RASL10B: variants seen among roughly 807,000 people sequenced by gnomAD.
RASL10B encodes ras-like protein family member 10B.
Under a neutral mutation model 20.7 loss-of-function variants are expected in RASL10B, and 10 were observed. That is an observed-to-expected ratio of 0.48 (90% CI 0.30 to 0.82). RASL10B has a LOEUF of 0.82. Ranked by LOEUF, RASL10B falls within the 40% of genes least tolerant of loss-of-function variation. The probability of loss-of-function intolerance (pLI) is 0.07; values close to 1 mark genes in which losing one functional copy is unlikely to be tolerated. For synonymous variants in RASL10B, 110 were observed against 123.3 expected (o/e 0.89, Z 0.72); for missense variants, 231 against 295.4 (o/e 0.78, Z 1.60).
intron 1 of RASL10B, among the ~76,000 whole-genome samples, chr17:35,733,117 T>G (rs1555596580): frequency 6.6e-6 from 1 of 152,164 alleles, no homozygotes; most frequent in African/African-American, 2.4e-5. Flanking sequence ...TTGGGGGGTT[T>G]GTTTGTTTTT....
chr17:35,739,976 G>A (rs2085619195), intron 2 of RASL10B, among the ~76,000 whole-genome samples: 1 of 152,240 alleles, frequency 6.6e-6, no homozygotes, highest in East Asian at 1.9e-4. Flanking sequence ...TTGCAGGAAG[G>A]ATGGGAAATC....
At chr17:35,732,832 C>T (rs1555596543) in intron 1 of RASL10B, among the ~76,000 whole-genome samples, 1 of 152,192 alleles carries the variant, frequency 6.6e-6, no homozygotes, top group East Asian at 1.9e-4. Flanking sequence ...CCACTCCCCA[C>T]CTGCCTGTAC....
At chr17:35,737,172 T>C (rs2085598440) in intron 2 of RASL10B, 2 of 152,244 alleles carry the variant, frequency 1.3e-5, no homozygotes, top group South Asian at 4.1e-4. Flanking sequence ...GATTTTATTT[T>C]ATTTTTAAAA....
In RASL10B at chr17:35,735,383, C is replaced by T. The variant is rs1281334374; in HGVS notation, c.199C>T (p.Pro67Ser). ...CGACTTTCCACCCATCAGCGCCTTC[C>T]CTGTCAATACGCTCCAGGTAGGAGG... ...ILDFPPISAF[P>S]VNTLQEWADT... is the part of the protein sequence containing the mutation. Residue 67 changes from proline to serine, a missense_variant, in exon 2 of 4, where the codon CCT (proline) becomes TCT (serine). Pro to Ser is a moderately conservative substitution (Grantham distance 74, BLOSUM62 -1). Transcript: ENST00000603017. The surrounding 1 kb of genome is among the most constrained non-coding windows in gnomAD (Gnocchi z 6.7). 6.2e-7 allele frequency: 1 copy of T among 1,614,050 alleles called. No individual in the cohort carries two copies. The highest frequency in any genetic ancestry group is 8.5e-7 in the Non-Finnish European group (1 of 1,180,036).
chr17:35,737,467 T>C (rs1555597357), intron 2 of RASL10B, among the ~76,000 whole-genome samples: 1 of 152,194 alleles, frequency 6.6e-6, no homozygotes, highest in African/African-American at 2.4e-5. Flanking sequence ...TATCCAGTCT[T>C]GTGCTGTTTC....
chr17:35,738,268 C>CT (rs1315054258), intron 2 of RASL10B, among the ~76,000 whole-genome samples: 5 of 152,048 alleles, frequency 3.3e-5, no homozygotes, highest in East Asian at 1.9e-4. Flanking sequence ...GTTTTGGACT[C>CT]TAAGATATCC....
intron 2 of RASL10B, among the ~76,000 whole-genome samples, chr17:35,738,686 A>G (rs1021423877): frequency 1.3e-5 from 2 of 152,058 alleles, no homozygotes; most frequent in Non-Finnish European, 1.5e-5. Context: ...CCTCCCTTCA[A>G]TCAAGGGGGA....
At chr17:35,736,009 C>T (rs2085589239) in intron 2 of RASL10B, among the ~76,000 whole-genome samples, 1 of 152,140 alleles carries the variant, frequency 6.6e-6, no homozygotes, top group South Asian at 2.1e-4. Context: ...ACTCTGGAGA[C>T]CCCAGTCAGG....
At position 35,735,692 on chromosome 17, in the gene RASL10B, CAT is replaced by C. The variant is rs1407690686; in HGVS notation, c.216+294_216+295del. On this transcript the variant is annotated intron_variant, in intron 2 of 3. Coordinates refer to ENST00000603017, the MANE Select transcript of RASL10B (RefSeq NM_033315.4). The surrounding 1 kb of genome is among the most constrained non-coding windows in gnomAD (Gnocchi z 6.7). ...TTATGGAATTTGCTTTCAAGAAACT[CAT>C]AGTCTGGTGAGAAAAGGCAAATATG... is the stretch of plus-strand genomic sequence containing the variant. Among the ~76,000 whole-genome samples the C allele has an allele frequency of 1.4e-4, 21 of 152,218 alleles. 1 individual carries two copies. Among genetic ancestry groups the C allele is most frequent in the Non-Finnish European group, 4.4e-5 (3 of 68,044 alleles).
chr17:35,734,383 C>T (rs2085577011), intron 1 of RASL10B, among the ~76,000 whole-genome samples: 1 of 152,194 alleles, frequency 6.6e-6, no homozygotes, highest in Non-Finnish European at 1.5e-5. Flanking sequence ...CAGTACTTAT[C>T]CCTTAGAGAT....
chr17:35,739,189 GC>G (rs1469319320), intron 2 of RASL10B, among the ~76,000 whole-genome samples: 2 of 152,214 alleles, frequency 1.3e-5, no homozygotes, highest in African/African-American at 4.8e-5. Flanking sequence ...CTGCACTACT[GC>G]CACCAAAGTC....
At chr17:35,739,283 G>A (rs1476131976) in intron 2 of RASL10B, among the ~76,000 whole-genome samples, 1 of 152,144 alleles carries the variant, frequency 6.6e-6, no homozygotes, top group Admixed American at 6.5e-5. Context: ...TCAGATGCTG[G>A]GACAGGAGAC....
Position 35,735,088 on chromosome 17 carries a change from G to T in RASL10B, c.-97G>T. ...AGGGCAAGCAGAGGCAGCAATGGTT[G>T]GTCCTGACGGTGGCTGAGCCCCCAG... is the stretch of plus-strand genomic sequence containing the variant. On this transcript the variant is annotated 5_prime_UTR_variant, in exon 2 of 4. Coordinates refer to ENST00000603017, the MANE Select transcript of RASL10B (RefSeq NM_033315.4). The surrounding 1 kb of genome is among the most constrained non-coding windows in gnomAD (Gnocchi z 6.7). 8.0e-7 allele frequency: 1 copy of T among 1,251,688 alleles called. No individual in the cohort carries two copies. Among genetic ancestry groups the T allele is most frequent in the Non-Finnish European group, 1.1e-6 (1 of 880,088 alleles). The allele number at this position is 1,251,688 out of a possible 1,614,324, so 77.5% of individuals were successfully genotyped here.
In RASL10B at chr17:35,735,167, C is replaced by T. The variant is rs369785094; in HGVS notation, c.-18C>T. On this transcript the variant is annotated 5_prime_UTR_variant, in exon 2 of 4. Coordinates refer to ENST00000603017, the MANE Select transcript of RASL10B (RefSeq NM_033315.4). The surrounding 1 kb of genome is among the most constrained non-coding windows in gnomAD (Gnocchi z 6.7). The stretch of plus-strand genomic sequence containing the variant: ...CCAGACAGCGGCAAGGACGAGGTGG[C>T]GGAGTGGGGCGGGAGGCATGGTCTC... The T allele has an allele frequency of 2.3e-5, 37 of 1,599,954 alleles. No homozygotes were observed. In the African/African-American group the frequency reaches 3.1e-4, roughly 13 times the overall value.
intron 3 of RASL10B, 36 bp downstream of exon 3, chr17:35,740,569 T>G: frequency 6.2e-7 from 1 of 1,605,224 alleles, no homozygotes; most frequent in South Asian, 1.1e-5. Context: ...GCCACCTCTG[T>G]GGATGCCCCA....
In RASL10B at chr17:35,741,368, G is replaced by C. The variant is rs781924138; in HGVS notation, c.*63G>C. 1.5e-4 allele frequency: 204 copies of C among 1,369,228 alleles called. No homozygotes were observed. Among genetic ancestry groups the C allele is most frequent in the Non-Finnish European group, 1.8e-4 (196 of 1,067,272 alleles). The allele number at this position is 1,369,228 out of a possible 1,614,324, so 84.8% of individuals were successfully genotyped here. On this transcript the variant is annotated 3_prime_UTR_variant, in exon 4 of 4. Transcript: ENST00000603017. ...AGCGGAGGGCGGGGCCGTACTGCGG[G>C]GCTGGGGCGGGGAGCGGGCGGGAAA...
Position 35,741,083 on chromosome 17 carries a change from G to A in RASL10B, c.390G>A (p.Arg130=). 2 of 1,611,826 alleles carry A rather than the reference G, an allele frequency of 1.2e-6. No homozygotes were observed. Among genetic ancestry groups the A allele is most frequent in the Non-Finnish European group, 1.7e-6 (2 of 1,178,680 alleles). The change falls in exon 4 of 4, where the codon CGG becomes CGA. Residue 130 remains arginine, a synonymous_variant. Coordinates refer to ENST00000603017, the MANE Select transcript of RASL10B (RefSeq NM_033315.4). ...CCATCATCATCGTGGGCAACAAGCG[G>A]GACCTGCAGCGCGGACGCGTGATCC... The part of the protein sequence containing the change: ...ETPIIIVGNK[R]DLQRGRVIPR...
chr17:35,735,258 T>C lies in RASL10B; in HGVS notation c.74T>C (p.Leu25Ser). 1 of 1,613,816 alleles carries C rather than the reference T, an allele frequency of 6.2e-7. No homozygotes were observed. Among genetic ancestry groups the C allele is most frequent in the East Asian group, 2.2e-5 (1 of 44,886 alleles). Residue 25 changes from leucine to serine, a missense_variant, in exon 2 of 4, where the codon TTG becomes TCG. Transcript: ENST00000603017. The surrounding 1 kb of genome is among the most constrained non-coding windows in gnomAD (Gnocchi z 6.7). ...AAGAGTGCCATCGTGCGCCAGTTCT[T>C]GTACAACGAGTTCAGCGAGGTCTGC... Reference protein sequence around the residue: ...VGKSAIVRQFLYNEFSEVCVP... With the variant: ...VGKSAIVRQFSYNEFSEVCVP...
At position 35,735,197 on chromosome 17, in the gene RASL10B, T is replaced by C. The variant is rs1390615676; in HGVS notation, c.13T>C (p.Tyr5His). Residue 5 changes from tyrosine (Y) to histidine (H), a missense_variant, in exon 2 of 4, where the codon TAC becomes CAC. Physicochemically the swap from Tyr to His is moderately conservative, Grantham distance 83. Transcript: ENST00000603017. This position sits in a 1 kb window ranked among gnomAD's most constrained non-coding sequence, Gnocchi z 6.7. Reference protein sequence around the residue: MVSTYRVAVLGARGV... With the variant: MVSTHRVAVLGARGV... The stretch of plus-strand genomic sequence containing the variant: ...TGGGGCGGGAGGCATGGTCTCCACC[T>C]ACCGGGTGGCCGTGCTGGGGGCGCG... 1 of 1,610,430 alleles carries C rather than the reference T, an allele frequency of 6.2e-7. No individual in the cohort carries two copies. Among genetic ancestry groups the C allele is most frequent in the Non-Finnish European group, 8.5e-7 (1 of 1,179,626 alleles).
Sources: allele counts gnomAD v4.1 joint callset (sites outside exome capture counted in the v4.1 genomes callset), GRCh38; gene constraint gnomAD v4.1.1; non-coding constraint Gnocchi (gnomAD v3.1); transcripts MANE v1.5; gene names NCBI Gene and HGNC (gene_info 2026-07-23, HGNC 2026-07-21).